DCAF8L2: variants seen among roughly 807,000 people sequenced by gnomAD.
DCAF8L2 encodes DDB1 and CUL4 associated factor 8 like 2, also known as DDB1- and CUL4-associated factor 8-like protein 2.
For synonymous variants in DCAF8L2, 200 were observed against 190.9 expected, an observed-to-expected ratio of 1.05 and a Z score of -0.39; for missense variants, 430 against 490.7, an observed-to-expected ratio of 0.88 and a Z score of 1.17.
chrX:27,586,987 T>C (rs971828265), upstream of DCAF8L2, among the ~76,000 whole-genome samples: 3 of 111,373 alleles, frequency 2.7e-5, no homozygotes, highest in Non-Finnish European at 5.7e-5. Context: ...AAGATTTTTT[T>C]TTATTTTCAA....
At chrX:27,481,997 G>C in the DCAF8L2 span, among the ~76,000 whole-genome samples, 1 of 111,446 alleles carries the variant, frequency 9.0e-6, no homozygotes, top group African/African-American at 3.3e-5. Context: ...GGTAAGATAA[G>C]CATTTCCATT....
intron 3 of DCAF8L2, among the ~76,000 whole-genome samples, chrX:27,678,380 A>G (rs1279230342): frequency 8.9e-6 from 1 of 111,786 alleles, no homozygotes; most frequent in Non-Finnish European, 1.9e-5. Context: ...ATAATTGTAT[A>G]CTAATGCTCA....
chrX:27,662,836 A>G (rs1929602874), intron 2 of DCAF8L2, among the ~76,000 whole-genome samples: 1 of 111,711 alleles, frequency 9.0e-6, no homozygotes, highest in African/African-American at 3.2e-5. Context: ...GTGTTGCAGA[A>G]AATAGGGCAA....
At chrX:27,637,660 G>T (rs1928556316) in intron 2 of DCAF8L2, among the ~76,000 whole-genome samples, 1 of 111,834 alleles carries the variant, frequency 8.9e-6, no homozygotes, top group South Asian at 3.7e-4. Flanking sequence ...ATTATTTAAT[G>T]CAGCTTACAA....
chrX:27,714,858 C>T (rs767492311), intron 3 of DCAF8L2, among the ~76,000 whole-genome samples: 1 of 111,782 alleles, frequency 8.9e-6, no homozygotes, highest in East Asian at 2.8e-4. Context: ...AACCCTGCAG[C>T]CACCTTATAA....
intron 4 of DCAF8L2, among the ~76,000 whole-genome samples, chrX:27,726,896 C>T (rs114980047): frequency 3.6e-5 from 4 of 111,450 alleles, no homozygotes; most frequent in South Asian, 7.4e-4. Flanking sequence ...TTTTTTCATG[C>T]GCATATGTGT....
chrX:27,642,554 C>T (rs1375607541), intron 2 of DCAF8L2, among the ~76,000 whole-genome samples: 1 of 110,858 alleles, frequency 9.0e-6, no homozygotes, highest in Non-Finnish European at 1.9e-5. Context: ...TGCAGATCCT[C>T]AGAGCTTTCT....
At chrX:27,694,326 C>T (rs1263738469) in intron 3 of DCAF8L2, among the ~76,000 whole-genome samples, 1 of 111,570 alleles carries the variant, frequency 9.0e-6, no homozygotes, top group Non-Finnish European at 1.9e-5. Flanking sequence ...TTGTAACAAA[C>T]CTGCACATGT....
At chrX:27,725,581 T>A (rs1365188286) in intron 4 of DCAF8L2, among the ~76,000 whole-genome samples, 1 of 110,451 alleles carries the variant, frequency 9.1e-6, no homozygotes, top group African/African-American at 3.3e-5. Context: ...TATAAATATA[T>A]TATGTTTTAT....
At chrX:27,502,317 TAAAAA>T in the DCAF8L2 span, among the ~76,000 whole-genome samples, 22 of 13,982 alleles carry the variant, frequency 1.6e-3, no homozygotes, top group South Asian at 0.013. Context: ...TGAAACTCTG[TAAAAA>T]AAAAAAAAAA....
the DCAF8L2 span, among the ~76,000 whole-genome samples, chrX:27,550,381 T>C: frequency 9.9e-5 from 11 of 111,139 alleles, no homozygotes; most frequent in African/African-American, 3.3e-4. Context: ...TCAAACCTTG[T>C]TTGTAAATTT....
the DCAF8L2 span, among the ~76,000 whole-genome samples, chrX:27,521,709 C>T: frequency 9.0e-6 from 1 of 111,693 alleles, no homozygotes; most frequent in African/African-American, 3.2e-5. Flanking sequence ...TTATTTTTGA[C>T]ATTCATAGCT....
the DCAF8L2 span, among the ~76,000 whole-genome samples, chrX:27,552,122 A>C: frequency 1.8e-5 from 2 of 111,099 alleles, no homozygotes; most frequent in Non-Finnish European, 3.8e-5. Flanking sequence ...GTTACTGGCT[A>C]TTTGTTTTTT....
At chrX:27,709,810 C>A (rs937480412) in intron 3 of DCAF8L2, among the ~76,000 whole-genome samples, 6 of 110,990 alleles carry the variant, frequency 5.4e-5, no homozygotes, top group African/African-American at 1.6e-4. Flanking sequence ...GTTTCTGTGG[C>A]TGGCATGTTC....
rs758520450 is a variant in DCAF8L2, at chrX:27,733,152, C to T, written c.-58-13686C>T. ...GATTACAGGTATGAGCCACCGTGCC[C>T]GGCCATGGTTTCCCTTTTATCCATA... On this transcript the variant is annotated intron_variant, in intron 4 of 4. Coordinates refer to ENST00000451261, the MANE Select transcript of DCAF8L2 (RefSeq NM_001353450.2). 2.6e-3 allele frequency among the ~76,000 whole-genome samples: 293 copies of T among 111,199 alleles called. 1 individual carries two copies. The highest frequency in any genetic ancestry group is 9.1e-3 in the African/African-American group (279 of 30,535).
chrX:27,651,966 C>A (rs753446445), intron 2 of DCAF8L2, among the ~76,000 whole-genome samples: 1 of 110,019 alleles, frequency 9.1e-6, no homozygotes, highest in South Asian at 3.9e-4. Flanking sequence ...TTAAAGACCA[C>A]TCTAATAAGT....
At chrX:27,491,069 C>A in the DCAF8L2 span, among the ~76,000 whole-genome samples, 2 of 112,389 alleles carry the variant, frequency 1.8e-5, no homozygotes, top group South Asian at 7.3e-4. Context: ...TTTCTTTGAA[C>A]TTCCTTTGTG....
the DCAF8L2 span, among the ~76,000 whole-genome samples, chrX:27,517,053 A>G: frequency 8.9e-6 from 1 of 111,839 alleles, no homozygotes; most frequent in African/African-American, 3.3e-5. Flanking sequence ...AAAGGATTAC[A>G]GGAGATAATA....
intron 4 of DCAF8L2, among the ~76,000 whole-genome samples, chrX:27,737,018 A>AT (rs1921560946): frequency 1.8e-5 from 2 of 111,821 alleles, no homozygotes; most frequent in African/African-American, 6.5e-5. Flanking sequence ...TCCTTATTAA[A>AT]TTTGGTTCAT....
Sources: allele counts gnomAD v4.1 joint callset (sites outside exome capture counted in the v4.1 genomes callset), GRCh38; gene constraint gnomAD v4.1.1; transcripts MANE v1.5; gene names NCBI Gene and HGNC (gene_info 2026-07-23, HGNC 2026-07-21).